NCAM1: variants seen among roughly 807,000 people sequenced by gnomAD.
NCAM1 encodes the protein antigen recognized by monoclonal antibody 5.1H11.
A neutral mutation model predicts 109.8 loss-of-function variants in NCAM1; 14 were observed. The ratio of observed to expected loss-of-function variants is 0.13; its 90% CI spans 0.08 to 0.20. NCAM1 has a LOEUF of 0.20. NCAM1 is among the 10% of genes least tolerant of loss of function. The pLI, the probability that NCAM1 is intolerant of heterozygous loss-of-function variation, is 1.00. For missense variants in NCAM1, 774 were observed against 1,109.9 expected, an observed-to-expected ratio of 0.70 and a Z score of 4.30; for synonymous variants, 418 against 442.9, an observed-to-expected ratio of 0.94 and a Z score of 0.70.
intron 8 of NCAM1, among the ~76,000 whole-genome samples, chr11:113,217,588 A>G (rs1944566022): frequency 6.6e-6 from 1 of 152,044 alleles, no homozygotes. Flanking sequence ...ATGCAGAAAA[A>G]GGCACATTAG....
chr11:113,250,831 G>A (rs782225536), intron 15 of NCAM1, among the ~76,000 whole-genome samples: 2 of 152,238 alleles, frequency 1.3e-5, no homozygotes, highest in South Asian at 2.1e-4. Flanking sequence ...GCTGAGTCTC[G>A]CTGTCACCCA....
At chr11:112,964,155 GTTTTT>G (rs59178181) in intron 1 of NCAM1, among the ~76,000 whole-genome samples, 5 of 107,458 alleles carry the variant, frequency 4.7e-5, no homozygotes, top group South Asian at 3.4e-4. Context: ...TTTTTTTTTT[GTTTTT>G]TTTTTGGACT....
chr11:113,089,497 T>C (rs1294068564), intron 1 of NCAM1, among the ~76,000 whole-genome samples: 2 of 152,156 alleles, frequency 1.3e-5, no homozygotes, highest in Non-Finnish European at 2.9e-5. Context: ...GGTCTTGTTA[T>C]GTTGCCCAAG....
intron 1 of NCAM1, among the ~76,000 whole-genome samples, chr11:113,182,330 T>A (rs782673157): frequency 6.6e-6 from 1 of 152,184 alleles, no homozygotes; most frequent in African/African-American, 2.4e-5. Context: ...GAGTTCTTCC[T>A]GCCGGTCAAG....
intron 16 of NCAM1, among the ~76,000 whole-genome samples, chr11:113,258,007 C>A (rs1274497818): frequency 3.3e-5 from 5 of 152,258 alleles, no homozygotes; most frequent in African/African-American, 1.2e-4. Context: ...TTGGCTAGTG[C>A]AAACCCTTTT....
intron 8 of NCAM1, among the ~76,000 whole-genome samples, chr11:113,220,025 C>T (rs1244724154): frequency 2.6e-5 from 4 of 152,168 alleles, no homozygotes; most frequent in African/African-American, 2.4e-5. Context: ...CCCTGGGTTG[C>T]GTTGCTATGA....
Position 112,980,650 on chromosome 11 carries a change from G to T in NCAM1, c.52+18986G>T, listed in dbSNP as rs1163877633. On this transcript the variant is annotated intron_variant, in intron 1 of 19. Transcript: ENST00000316851. ...TTCAATAGTTTTGAGGGTACAGGTGGTTTTTTGTTACATGGATAAGTTCTT... is the reference window on the plus strand; with the variant it reads ...TTCAATAGTTTTGAGGGTACAGGTGTTTTTTTGTTACATGGATAAGTTCTT... 4.0e-5 allele frequency among the ~76,000 whole-genome samples: 6 copies of T among 151,820 alleles called. No homozygotes were observed. In the East Asian group the frequency reaches 1.2e-3, roughly 29 times the overall value.
intron 1 of NCAM1, among the ~76,000 whole-genome samples, chr11:113,028,314 T>C (rs1952616929): frequency 6.6e-6 from 1 of 152,098 alleles, no homozygotes; most frequent in South Asian, 2.1e-4. Context: ...ACAATTATTA[T>C]GTGTCAATTA....
chr11:112,973,795 G>C (rs1454600199), intron 1 of NCAM1, among the ~76,000 whole-genome samples: 2 of 152,176 alleles, frequency 1.3e-5, no homozygotes, highest in East Asian at 1.9e-4. Context: ...ATTCTAATGA[G>C]AATCACATTT....
rs555831367 is a variant in NCAM1 at position 113,273,379 on chromosome 11, C to A, written c.2456+1503C>A. The A allele has an allele frequency of 3.9e-5, 13 of 331,192 alleles. No individual in the cohort carries two copies. Among genetic ancestry groups the A allele is most frequent in the African/African-American group, 2.8e-4 (13 of 46,248 alleles). The allele number at this position is 331,192 out of a possible 1,614,324, so 20.5% of individuals were successfully genotyped here. A position where few individuals can be genotyped will look rare whatever the true frequency, so the allele number is the denominator to read the frequency against. On this transcript the variant is annotated intron_variant, in intron 19 of 19. Coordinates refer to ENST00000316851, the MANE Select transcript of NCAM1 (RefSeq NM_181351.5). This position sits in a 1 kb window ranked among gnomAD's most constrained non-coding sequence, Gnocchi z 6.0. ...GCACCAGTCCCCACCCCGACTGGGG[C>A]AGCCAGTCCTCTAGCAGCAGCGGCT...
chr11:113,198,441 G>A (rs779863476), intron 1 of NCAM1, among the ~76,000 whole-genome samples: 43 of 150,882 alleles, frequency 2.8e-4, no homozygotes, highest in Non-Finnish European at 5.5e-4. Context: ...GCATGATCTC[G>A]GCTCACTGCA....
At chr11:112,987,098 T>G (rs1480916293) in intron 1 of NCAM1, among the ~76,000 whole-genome samples, 2 of 152,132 alleles carry the variant, frequency 1.3e-5, no homozygotes, top group East Asian at 3.8e-4. Context: ...TGTGTTTTCG[T>G]TTTTGTTTCT....
intron 1 of NCAM1, among the ~76,000 whole-genome samples, chr11:113,126,528 G>C (rs1419965342): frequency 6.6e-6 from 1 of 152,106 alleles, no homozygotes; most frequent in African/African-American, 2.4e-5. Flanking sequence ...TTATCACCCT[G>C]CTCTTTTATT....
At chr11:113,070,889 T>C (rs896576406) in intron 1 of NCAM1, among the ~76,000 whole-genome samples, 1 of 152,092 alleles carries the variant, frequency 6.6e-6, no homozygotes, top group African/African-American at 2.4e-5. Context: ...CACAGAAATA[T>C]TTTTGGGGTG....
chr11:112,983,817 C>T (rs1260736952), intron 1 of NCAM1, among the ~76,000 whole-genome samples: 1 of 151,888 alleles, frequency 6.6e-6, no homozygotes, highest in Non-Finnish European at 1.5e-5. Flanking sequence ...ATGTACATAA[C>T]AAAGTGATTA....
At chr11:112,994,671 T>G (rs559104903) in intron 1 of NCAM1, among the ~76,000 whole-genome samples, 63 of 152,280 alleles carry the variant, frequency 4.1e-4, no homozygotes, top group Middle Eastern at 3.4e-3. Flanking sequence ...CAGCCCCTAC[T>G]TCATGCTTAG....
intron 1 of NCAM1, among the ~76,000 whole-genome samples, chr11:113,119,213 G>A (rs1940842733): frequency 6.7e-6 from 1 of 150,366 alleles, no homozygotes; most frequent in African/African-American, 2.5e-5. Context: ...TCCCTGCCCT[G>A]TGAAATGCTA....
intron 1 of NCAM1, among the ~76,000 whole-genome samples, chr11:113,085,510 CT>C (rs1298902553): frequency 2.0e-5 from 3 of 151,556 alleles, no homozygotes; most frequent in African/African-American, 7.2e-5. Context: ...AACTTTTCTC[CT>C]TATTTTTTCT....
chr11:112,997,614 C>T lies in NCAM1; in HGVS notation c.52+35950C>T, dbSNP rs550867110. Among the ~76,000 whole-genome samples the T allele has an allele frequency of 3.3e-5, 5 of 152,168 alleles. No homozygotes were observed. The East Asian group carries it at 7.7e-4, about 24-fold the overall frequency. On this transcript the variant is annotated intron_variant, in intron 1 of 19. Coordinates refer to ENST00000316851, the MANE Select transcript of NCAM1 (RefSeq NM_181351.5). ...TTAATTTATTAGATAATAAGATACACGTTACCATATGTAGCCCCCTCCTCT... is the reference window on the plus strand; with the variant it reads ...TTAATTTATTAGATAATAAGATACATGTTACCATATGTAGCCCCCTCCTCT...
Sources: allele counts gnomAD v4.1 joint callset (sites outside exome capture counted in the v4.1 genomes callset), GRCh38; gene constraint gnomAD v4.1.1; non-coding constraint Gnocchi (gnomAD v3.1); transcripts MANE v1.5; gene names NCBI Gene and HGNC (gene_info 2026-07-23, HGNC 2026-07-21).